MTMR3: variants seen among roughly 807,000 people sequenced by gnomAD.
The protein encoded by MTMR3 is myotubularin related protein 3.
Under a neutral mutation model 132.4 loss-of-function variants are expected in MTMR3, and 32 were observed. The ratio of observed to expected loss-of-function variants is 0.24; its 90% CI spans 0.18 to 0.32. The LOEUF is 0.32. Among genes scored for constraint, MTMR3 ranks in the 10% least tolerant of loss-of-function variants. The pLI, the probability that MTMR3 is intolerant of heterozygous loss-of-function variation, is 1.00. For synonymous variants in MTMR3, 556 were observed against 550.3 expected (o/e 1.01, Z -0.14); for missense variants, 1,216 against 1,489.6 (o/e 0.82, Z 3.02).
chr22:29,888,154 T>C (rs73162703), intron 1 of MTMR3, among the ~76,000 whole-genome samples: 2 of 152,252 alleles, frequency 1.3e-5, no homozygotes, highest in African/African-American at 4.8e-5. Context: ...TAAAAGATAT[T>C]TTTATGTATG....
chr22:29,911,720 T>C (rs994179109), intron 1 of MTMR3, among the ~76,000 whole-genome samples: 1 of 152,088 alleles, frequency 6.6e-6, no homozygotes, highest in African/African-American at 2.4e-5. Context: ...TATATATAGG[T>C]ACACTCAGTT....
intron 7 of MTMR3, chr22:29,994,635 GTTAGT>G (rs1275137591): frequency 6.6e-6 from 1 of 151,954 alleles, no homozygotes; most frequent in African/African-American, 2.4e-5. Flanking sequence ...AGGGGTGGAA[GTTAGT>G]TTAATCTTAT....
Position 29,971,009 on chromosome 22 carries a change from G to A in MTMR3, c.-51G>A. The A allele has an allele frequency of 7.1e-7, 1 of 1,401,572 alleles. No homozygotes were observed. The highest frequency in any genetic ancestry group is 9.6e-7 in the Non-Finnish European group (1 of 1,046,864). The allele number at this position is 1,401,572 out of a possible 1,614,324, so 86.8% of individuals were successfully genotyped here. ...ATAAGGGAAAGAAGAGAGCCTTGTT[G>A]GACACTGAAGAAGGGACGGGGATTT... On this transcript the variant is annotated 5_prime_UTR_variant, in exon 3 of 20. Coordinates refer to ENST00000401950, the MANE Select transcript of MTMR3 (RefSeq NM_021090.4).
intron 1 of MTMR3, among the ~76,000 whole-genome samples, chr22:29,924,245 CTAAAA>C (rs902872555): frequency 1.3e-5 from 2 of 152,180 alleles, no homozygotes; most frequent in Non-Finnish European, 2.9e-5. Context: ...TACATATAGT[CTAAAA>C]TAAAGGTCCA....
intron 3 of MTMR3, among the ~76,000 whole-genome samples, chr22:29,976,112 T>C (rs1042016113): frequency 2.1e-5 from 3 of 140,798 alleles, no homozygotes; most frequent in African/African-American, 2.6e-5. Flanking sequence ...CATTTTATTA[T>C]AGTGTGTGTT....
chr22:29,931,189 A>G (rs1380025304), intron 1 of MTMR3, among the ~76,000 whole-genome samples: 4 of 152,220 alleles, frequency 2.6e-5, no homozygotes, highest in Non-Finnish European at 1.5e-5. Flanking sequence ...TGACACAACA[A>G]GGTTAACAGT....
At chr22:29,943,157 C>T (rs2065889410) in intron 1 of MTMR3, among the ~76,000 whole-genome samples, 1 of 152,032 alleles carries the variant, frequency 6.6e-6, no homozygotes, top group Non-Finnish European at 1.5e-5. Context: ...CGTTCGGGGT[C>T]CCTGACTTTC....
At chr22:29,895,412 C>G (rs2064874671) in intron 1 of MTMR3, among the ~76,000 whole-genome samples, 1 of 152,118 alleles carries the variant, frequency 6.6e-6, no homozygotes, top group African/African-American at 2.4e-5. Flanking sequence ...TATAAAAATC[C>G]ATGCTTTGAG....
intron 11 of MTMR3, chr22:30,008,752 T>C: frequency 2.9e-6 from 1 of 346,666 alleles, no homozygotes; most frequent in South Asian, 5.0e-5. Context: ...GGCCTTTCTT[T>C]TAAAAAATAA....
At chr22:29,951,348 T>C (rs1236868489) in intron 1 of MTMR3, among the ~76,000 whole-genome samples, 2 of 152,162 alleles carry the variant, frequency 1.3e-5, no homozygotes, top group African/African-American at 2.4e-5. Context: ...CTATCTCTTG[T>C]ATAAGGGTTG....
chr22:29,976,887 C>A (rs886964373), intron 3 of MTMR3, among the ~76,000 whole-genome samples: 6 of 152,080 alleles, frequency 3.9e-5, no homozygotes, highest in Admixed American at 2.0e-4. Context: ...GGAAGACTTA[C>A]AAAATTATTG....
At chr22:29,972,283 C>G (rs1315803155) in intron 3 of MTMR3, among the ~76,000 whole-genome samples, 1 of 152,140 alleles carries the variant, frequency 6.6e-6, no homozygotes, top group Non-Finnish European at 1.5e-5. Context: ...CAGCTCTGTT[C>G]TGTATTGAGG....
At chr22:29,952,013 C>T (rs1195332713) in intron 1 of MTMR3, among the ~76,000 whole-genome samples, 1 of 151,724 alleles carries the variant, frequency 6.6e-6, no homozygotes, top group Non-Finnish European at 1.5e-5. Flanking sequence ...CCTCAGCCTC[C>T]TAGTAGCTGG....
chr22:30,016,925 A>T, intron 15 of MTMR3: 5 of 496,076 alleles, frequency 1.0e-5, no homozygotes, highest in Non-Finnish European at 1.8e-5. Context: ...GGTTTAACAC[A>T]GATCTCTACT....
intron 1 of MTMR3, among the ~76,000 whole-genome samples, chr22:29,919,363 C>T (rs887654510): frequency 6.6e-6 from 1 of 152,114 alleles, no homozygotes; most frequent in African/African-American, 2.4e-5. Flanking sequence ...GTGGTTTAAA[C>T]TGTCCAATTT....
chr22:29,998,305 CTATATAA>C (rs988370040), intron 7 of MTMR3: 3 of 152,316 alleles, frequency 2.0e-5, no homozygotes, highest in African/African-American at 7.2e-5. Context: ...TAAACTAAAA[CTATATAA>C]TATATGTTAC....
At chr22:29,957,159 G>A (rs2066210528) in intron 2 of MTMR3, 71 bp downstream of exon 2, 1 of 150,376 alleles carries the variant, frequency 6.6e-6, no homozygotes, top group Non-Finnish European at 1.5e-5. Context: ...TTCGAGGCAA[G>A]GAAAAATTAA....
At chr22:29,961,331 C>G (rs1321129982) in intron 2 of MTMR3, among the ~76,000 whole-genome samples, 1 of 151,966 alleles carries the variant, frequency 6.6e-6, no homozygotes, top group Non-Finnish European at 1.5e-5. Context: ...CTAAATGTCT[C>G]ACTAATTGAT....
At chr22:30,023,631 T>G (rs935307088) in intron 19 of MTMR3, 1 of 940,840 alleles carries the variant, frequency 1.1e-6, no homozygotes, top group Non-Finnish European at 1.7e-6. Context: ...TTGAGGGGAT[T>G]CAAAGCAGCT....
Sources: allele counts gnomAD v4.1 joint callset (sites outside exome capture counted in the v4.1 genomes callset), GRCh38; gene constraint gnomAD v4.1.1; transcripts MANE v1.5; gene names NCBI Gene and HGNC (gene_info 2026-07-23, HGNC 2026-07-21).